The following ZCCHC4 variants were observed in gnomAD, a reference collection of about 807,000 sequenced individuals.
ZCCHC4 encodes zinc finger CCHC-type containing 4.
In ZCCHC4, 54 loss-of-function variants were observed where a neutral mutation model predicts 67.7. That is an observed-to-expected ratio of 0.80 (90% CI 0.64 to 1.00). The LOEUF is 1.00. Among genes scored for constraint, ZCCHC4 ranks in the 50% least tolerant of loss-of-function variants. The probability of loss-of-function intolerance (pLI) is 0.00; values close to 1 mark genes in which losing one functional copy is unlikely to be tolerated. For synonymous variants in ZCCHC4, 198 were observed against 213.5 expected, an observed-to-expected ratio of 0.93 and a Z score of 0.63; for missense variants, 609 against 617.0, an observed-to-expected ratio of 0.99 and a Z score of 0.14.
intron 4 of ZCCHC4, 47 bp from the exon 5 acceptor site, chr4:25,333,860 AT>A (rs1363719660): frequency 1.6e-6 from 2 of 1,281,852 alleles, no homozygotes; most frequent in Non-Finnish European, 2.2e-6. Context: ...TTTATTGTCT[AT>A]GACATTTGTA....
chr4:25,329,450 C>G (rs1719061024), intron 3 of ZCCHC4, among the ~76,000 whole-genome samples: 1 of 148,904 alleles, frequency 6.7e-6, no homozygotes, highest in Non-Finnish European at 1.5e-5. Flanking sequence ...CCCTGAACTA[C>G]TGTTATTCCC....
chr4:25,356,235 G>GCCCA (rs1720512693), intron 8 of ZCCHC4, among the ~76,000 whole-genome samples: 1 of 152,162 alleles, frequency 6.6e-6, no homozygotes, highest in African/African-American at 2.4e-5. Context: ...TGAGTGAAAT[G>GCCCA]TCAGGGATAA....
At chr4:25,365,285 T>C in intron 12 of ZCCHC4, 119 bp downstream of exon 12, 3 of 1,499,820 alleles carry the variant, frequency 2.0e-6, no homozygotes, top group Admixed American at 4.3e-5. Context: ...ACTTTCACTA[T>C]TAAGTACTGG....
intron 12 of ZCCHC4, chr4:25,366,196 GCTA>G (rs773999163): frequency 3.1e-6 from 3 of 977,190 alleles, no homozygotes; most frequent in Non-Finnish European, 3.6e-6. Flanking sequence ...TTGAATTCTG[GCTA>G]CTATTACAAC....
At chr4:25,346,149 G>A (rs13114588) in intron 6 of ZCCHC4, among the ~76,000 whole-genome samples, 11,937 of 152,026 alleles carry the variant, frequency 0.079, 512 homozygotes, top group South Asian at 0.13. Flanking sequence ...TTAAATGCAT[G>A]TGTCAGGGCT....
intron 6 of ZCCHC4, among the ~76,000 whole-genome samples, chr4:25,347,950 A>G (rs554571010): frequency 7.9e-5 from 12 of 152,322 alleles, no homozygotes; most frequent in Middle Eastern, 6.8e-3. Flanking sequence ...GATCAACATT[A>G]AGACCATCAG....
In ZCCHC4 at chr4:25,340,139, A is replaced by G. The variant is rs1295817392; in HGVS notation, c.687-5409A>G. On this transcript the variant is annotated intron_variant, in intron 5 of 12. Coordinates refer to ENST00000302874, the MANE Select transcript of ZCCHC4 (RefSeq NM_024936.3). ...CGCCTCGGCCTCCCAAAGTGCTGGG[A>G]TTAAAGGCATGAGCCACCGTGCCTG... 1.3e-5 allele frequency among the ~76,000 whole-genome samples: 2 copies of G among 152,252 alleles called. 1 individual carries two copies. Among genetic ancestry groups the G allele is most frequent in the South Asian group, 4.1e-4 (2 of 4,822 alleles).
At chr4:25,323,934 T>C (rs1254303430) in intron 3 of ZCCHC4, among the ~76,000 whole-genome samples, 2 of 151,926 alleles carry the variant, frequency 1.3e-5, no homozygotes, top group Non-Finnish European at 2.9e-5. Context: ...TCCACTGATC[T>C]GCTTTCTGTC....
At chr4:25,331,721 T>C (rs1719192272) in intron 3 of ZCCHC4, among the ~76,000 whole-genome samples, 1 of 152,214 alleles carries the variant, frequency 6.6e-6, no homozygotes, top group Non-Finnish European at 1.5e-5. Flanking sequence ...TTTCTTCTAC[T>C]GGCATTCTCA....
At chr4:25,363,595 A>G (rs1277786027) in intron 10 of ZCCHC4, among the ~76,000 whole-genome samples, 1 of 152,342 alleles carries the variant, frequency 6.6e-6, no homozygotes, top group Admixed American at 6.5e-5. Flanking sequence ...TTATATAAAC[A>G]TTAGAAAGCA....
In ZCCHC4 at chr4:25,369,519, T is replaced by C. The variant is rs185221147; in HGVS notation, c.*355T>C. ...CACAACCTCAGCTCACTGCAACCTCTGCCTCCCGGGTTCAAGCAATTCTCC... is the reference window on the plus strand; with the variant it reads ...CACAACCTCAGCTCACTGCAACCTCCGCCTCCCGGGTTCAAGCAATTCTCC... On this transcript the variant is annotated 3_prime_UTR_variant, in exon 13 of 13. Coordinates refer to ENST00000302874, the MANE Select transcript of ZCCHC4 (RefSeq NM_024936.3). 4.5e-3 allele frequency: 851 copies of C among 190,314 alleles called. 17 individuals are homozygous for C. The highest frequency in any genetic ancestry group is 0.019 in the African/African-American group (805 of 41,988). 11.8% of individuals were successfully genotyped at this position (190,314 alleles called of 1,614,324 possible).
intron 12 of ZCCHC4, among the ~76,000 whole-genome samples, chr4:25,368,530 C>G (rs977976531): frequency 2.0e-5 from 3 of 152,076 alleles, no homozygotes; most frequent in Non-Finnish European, 4.4e-5. Flanking sequence ...CTTTTAGATC[C>G]GCTGAGGAAA....
At chr4:25,315,235 C>T (rs1013786878) in intron 2 of ZCCHC4, 83 bp from the exon 3 acceptor site, 2 of 1,244,748 alleles carry the variant, frequency 1.6e-6, no homozygotes, top group Admixed American at 2.4e-5. Context: ...TTTCTGACTT[C>T]TTGATGTCAG....
At chr4:25,339,700 G>T (rs1161242079) in intron 5 of ZCCHC4, among the ~76,000 whole-genome samples, 1 of 151,978 alleles carries the variant, frequency 6.6e-6, no homozygotes. Context: ...TCATCTTGTG[G>T]ATTGTCTTTT....
chr4:25,324,014 G>GTTGGTTTTTTTTTT (rs1553895903), intron 3 of ZCCHC4, among the ~76,000 whole-genome samples: 2 of 82,448 alleles, frequency 2.4e-5, no homozygotes, highest in African/African-American at 1.0e-4. Context: ...TGTTTTTTGT[G>GTTGGTTTTTTTTTT]TTTTTTTTTT....
intron 8 of ZCCHC4, among the ~76,000 whole-genome samples, chr4:25,353,310 T>G (rs1473714093): frequency 6.6e-6 from 1 of 152,230 alleles, no homozygotes; most frequent in Non-Finnish European, 1.5e-5. Context: ...GGCTATTAAG[T>G]AGCATTAACA....
intron 12 of ZCCHC4, chr4:25,365,440 CAT>C (rs1351753912): frequency 1.2e-5 from 14 of 1,180,924 alleles, no homozygotes; most frequent in African/African-American, 4.7e-5. Flanking sequence ...CTTTACGTCT[CAT>C]GTGTAAAGTT....
At chr4:25,325,115 C>T (rs1217460979) in intron 3 of ZCCHC4, among the ~76,000 whole-genome samples, 15 of 127,702 alleles carry the variant, frequency 1.2e-4, no homozygotes, top group Non-Finnish European at 2.4e-4. Context: ...AGGTAGTGGG[C>T]GCCTGTAGTC....
chr4:25,356,011 T>C (rs1323472188), intron 8 of ZCCHC4, among the ~76,000 whole-genome samples: 2 of 152,212 alleles, frequency 1.3e-5, no homozygotes, highest in South Asian at 2.1e-4. Flanking sequence ...ACCTGGAACA[T>C]AGTAGGCACA....
Sources: gnomAD v4.1 joint callset for allele counts (sites outside exome capture counted in the v4.1 genomes callset) on GRCh38, gnomAD v4.1.1 for gene constraint, MANE v1.5 for transcripts, NCBI Gene and HGNC (gene_info 2026-07-23, HGNC 2026-07-21) for gene names.